The following ANO3 variants were observed in gnomAD, a reference collection of about 807,000 sequenced individuals.
The protein encoded by ANO3 is anoctamin 3, also known as anoctamin-3.
In ANO3, 99 loss-of-function variants were observed where a neutral mutation model predicts 144.8. The ratio of observed to expected loss-of-function variants is 0.68; its 90% CI spans 0.58 to 0.81. The LOEUF (loss-of-function observed/expected upper bound fraction) is 0.81, where lower values mean the gene tolerates loss of function less well. ANO3 is among the 30% of genes least tolerant of loss of function. The pLI is 0.00. For synonymous variants in ANO3, 414 were observed against 392.6 expected (o/e 1.05, Z -0.64); for missense variants, 905 against 1,202.2 (o/e 0.75, Z 3.66).
intron 14 of ANO3, among the ~76,000 whole-genome samples, chr11:26,573,751 C>T (rs1196676763): frequency 1.3e-5 from 2 of 152,096 alleles, no homozygotes; most frequent in African/African-American, 4.8e-5. Flanking sequence ...CATCATTGCC[C>T]TCCTTACAAT....
intron 1 of ANO3, among the ~76,000 whole-genome samples, chr11:26,391,221 C>T (rs1020063289): frequency 2.0e-5 from 3 of 152,198 alleles, no homozygotes; most frequent in South Asian, 2.1e-4. Flanking sequence ...TAAGGTGACA[C>T]AGGGCATCAC....
chr11:26,271,726 C>A (rs1853442355), intron 1 of ANO3, among the ~76,000 whole-genome samples: 1 of 150,926 alleles, frequency 6.6e-6, no homozygotes, highest in East Asian at 1.9e-4. Context: ...ACTTTGCTGT[C>A]CAATTTTATC....
At chr11:26,381,043 C>T (rs1015089701) in intron 1 of ANO3, among the ~76,000 whole-genome samples, 8 of 152,016 alleles carry the variant, frequency 5.3e-5, no homozygotes, top group Non-Finnish European at 1.0e-4. Flanking sequence ...ATCTTTTGTT[C>T]CTCCTAGTTC....
intron 1 of ANO3, among the ~76,000 whole-genome samples, chr11:26,234,034 C>G (rs564359547): frequency 6.6e-6 from 1 of 152,238 alleles, no homozygotes; most frequent in East Asian, 1.9e-4. Flanking sequence ...ATAGGTGCAG[C>G]AAACCACCAT....
chr11:26,572,233 C>A, intron 14 of ANO3: 2 of 985,392 alleles, frequency 2.0e-6, no homozygotes, highest in African/African-American at 1.7e-5. Flanking sequence ...GCCCAGGAAC[C>A]TGACTGACCT....
At chr11:26,463,618 G>C (rs1859496080) in intron 4 of ANO3, among the ~76,000 whole-genome samples, 1 of 151,876 alleles carries the variant, frequency 6.6e-6, no homozygotes, top group African/African-American at 2.4e-5. Context: ...AGAAAACCAT[G>C]TAAGTGTCTG....
chr11:26,453,194 A>G (rs1386826199), intron 3 of ANO3, among the ~76,000 whole-genome samples: 1 of 152,212 alleles, frequency 6.6e-6, no homozygotes, highest in Non-Finnish European at 1.5e-5. Context: ...TAACCAGCTA[A>G]CATCATAATG....
intron 1 of ANO3, among the ~76,000 whole-genome samples, chr11:26,440,292 G>C (rs1169695436): frequency 6.6e-6 from 1 of 151,936 alleles, no homozygotes; most frequent in African/African-American, 2.4e-5. Context: ...ACCTGAGACT[G>C]GATAATTTAT....
At chr11:26,277,124 G>A (rs1355530315) in intron 1 of ANO3, among the ~76,000 whole-genome samples, 1 of 151,794 alleles carries the variant, frequency 6.6e-6, no homozygotes, top group Non-Finnish European at 1.5e-5. Flanking sequence ...ATATAAAAAA[G>A]TAGATATCTC....
intron 1 of ANO3, among the ~76,000 whole-genome samples, chr11:26,313,815 T>C (rs1854560060): frequency 6.6e-6 from 1 of 151,078 alleles, no homozygotes; most frequent in Admixed American, 6.6e-5. Context: ...TGTAAATGTA[T>C]GCTTTTTGTG....
chr11:26,484,648 CTG>C (rs1275713427), intron 4 of ANO3, among the ~76,000 whole-genome samples: 1 of 152,136 alleles, frequency 6.6e-6, no homozygotes, highest in African/African-American at 2.4e-5. Flanking sequence ...CCTAGTGGAG[CTG>C]TGAGAAGAGA....
chr11:26,280,360 T>A (rs1305610208), intron 1 of ANO3, among the ~76,000 whole-genome samples: 1 of 152,058 alleles, frequency 6.6e-6, no homozygotes, highest in Non-Finnish European at 1.5e-5. Context: ...GGGAGTTTTT[T>A]AAGGCATATT....
At chr11:26,643,663 G>A (rs1411788961) in intron 23 of ANO3, among the ~76,000 whole-genome samples, 1 of 152,094 alleles carries the variant, frequency 6.6e-6, no homozygotes, top group East Asian at 1.9e-4. Context: ...GCTGAGACAG[G>A]AGAATCGTTT....
intron 1 of ANO3, among the ~76,000 whole-genome samples, chr11:26,269,556 C>T (rs946807881): frequency 2.0e-5 from 3 of 152,126 alleles, no homozygotes; most frequent in African/African-American, 7.2e-5. Flanking sequence ...GTTGCTTATC[C>T]TTTGACAGTA....
chr11:26,516,676 A>AT lies in ANO3; in HGVS notation c.592-143dup, dbSNP rs140868622. On this transcript the variant is annotated intron_variant, in intron 5 of 26. Coordinates refer to ENST00000256737, the MANE Select transcript of ANO3 (RefSeq NM_031418.4). ...TTTATCAAGGTCTTTCTTCATTAAG[A>AT]TTTTTTTTATCCATATAAATTTCTT... is the stretch of plus-strand genomic sequence containing the variant. 56,526 of 480,890 alleles carry AT rather than the reference A, an allele frequency of 0.12. 4,049 individuals are homozygous for AT. Among genetic ancestry groups the AT allele is most frequent in the Admixed American group, 0.16 (4,060 of 25,930 alleles). The allele number at this position is 480,890 out of a possible 1,614,324, so 29.8% of individuals were successfully genotyped here. A position where few individuals can be genotyped will look rare whatever the true frequency, so the allele number is the denominator to read the frequency against.
rs1184522609 is a variant in ANO3, at chr11:26,541,979, C to T, written c.1065C>T (p.Thr355=). 3 of 1,612,382 alleles carry T rather than the reference C, an allele frequency of 1.9e-6. No individual in the cohort carries two copies. In the African/African-American group the frequency reaches 4.0e-5, roughly 22 times the overall value. Reference sequence around the variant, plus strand: ...ACAAAAGTAGCCAGCCCATTAAAACCCATGGACCTCAGAATAACAGACATC... The same window carrying T: ...ACAAAAGTAGCCAGCCCATTAAAACTCATGGACCTCAGAATAACAGACATC... ...GAYKSSQPIK[T]HGPQNNRHLL... is the part of the protein sequence containing the mutation. Residue 355 remains threonine (T), a synonymous_variant, in exon 11 of 27, where the codon ACC becomes ACT. Transcript: ENST00000256737.
intron 1 of ANO3, among the ~76,000 whole-genome samples, chr11:26,440,961 C>T (rs1048652625): frequency 3.9e-5 from 6 of 152,080 alleles, no homozygotes; most frequent in African/African-American, 1.4e-4. Context: ...TTTCCTGGTT[C>T]ACACAGTGTA....
At chr11:26,464,131 T>C (rs892997178) in intron 4 of ANO3, among the ~76,000 whole-genome samples, 1 of 151,876 alleles carries the variant, frequency 6.6e-6, no homozygotes, top group Non-Finnish European at 1.5e-5. Context: ...TAAATAAATA[T>C]GGCAGAGACT....
intron 3 of ANO3, among the ~76,000 whole-genome samples, chr11:26,456,532 C>G (rs1357046827): frequency 1.4e-5 from 2 of 143,126 alleles, no homozygotes; most frequent in African/African-American, 5.5e-5. Flanking sequence ...GAGATATCAT[C>G]TCACACCAAT....
Sources: allele counts gnomAD v4.1 joint callset (sites outside exome capture counted in the v4.1 genomes callset), GRCh38; gene constraint gnomAD v4.1.1; transcripts MANE v1.5; gene names NCBI Gene and HGNC (gene_info 2026-07-23, HGNC 2026-07-21).